The following SHANK2 variants were observed in gnomAD, a reference collection of about 807,000 sequenced individuals.
SHANK2 encodes the protein SH3 and multiple ankyrin repeat domains 2.
A neutral mutation model predicts 133.7 loss-of-function variants in SHANK2; 43 were observed. The ratio of observed to expected loss-of-function variants is 0.32; its 90% CI spans 0.25 to 0.41. SHANK2 has a LOEUF of 0.41. SHANK2 is among the 10% of genes least tolerant of loss of function. The pLI, the probability that SHANK2 is intolerant of heterozygous loss-of-function variation, is 1.00. For missense variants in SHANK2, 1,994 were observed against 2,235.8 expected, an observed-to-expected ratio of 0.89 and a Z score of 2.18; for synonymous variants, 1,017 against 952.8, an observed-to-expected ratio of 1.07 and a Z score of -1.24.
At chr11:70,865,755 G>C (rs1346263258) in intron 11 of SHANK2, among the ~76,000 whole-genome samples, 1 of 152,224 alleles carries the variant, frequency 6.6e-6, no homozygotes, top group African/African-American at 2.4e-5. Flanking sequence ...ATCAGATCCT[G>C]TCTCTCAAAA....
At chr11:70,515,825 T>A (rs1352602792) in intron 17 of SHANK2, among the ~76,000 whole-genome samples, 16 of 152,020 alleles carry the variant, frequency 1.1e-4, no homozygotes, top group African/African-American at 3.4e-4. Flanking sequence ...AAATTTTTTT[T>A]ATACCTGCTA....
chr11:71,142,174 T>G (rs1257662879), intron 3 of SHANK2, among the ~76,000 whole-genome samples: 1 of 152,166 alleles, frequency 6.6e-6, no homozygotes, highest in African/African-American at 2.4e-5. Flanking sequence ...AGAACGGGTC[T>G]AACTGAGAAC....
At chr11:70,694,008 C>G (rs1555021662) in intron 15 of SHANK2, among the ~76,000 whole-genome samples, 1 of 152,136 alleles carries the variant, frequency 6.6e-6, no homozygotes, top group East Asian at 1.9e-4. Context: ...TAAATGGAGT[C>G]CGTTCAGCCT....
At chr11:70,931,891 G>T (rs1013585633) in intron 10 of SHANK2, among the ~76,000 whole-genome samples, 2 of 152,146 alleles carry the variant, frequency 1.3e-5, no homozygotes, top group Non-Finnish European at 2.9e-5. Flanking sequence ...TATAAAGAAA[G>T]AAAAACATCA....
At chr11:70,828,635 T>G (rs1207052127) in intron 11 of SHANK2, among the ~76,000 whole-genome samples, 5 of 152,190 alleles carry the variant, frequency 3.3e-5, no homozygotes, top group Admixed American at 3.3e-4. Flanking sequence ...CCAGAAGCTT[T>G]CCAGATGGTG....
intron 2 of SHANK2, among the ~76,000 whole-genome samples, chr11:71,165,003 C>T (rs1435061534): frequency 2.0e-5 from 3 of 151,730 alleles, no homozygotes; most frequent in African/African-American, 7.3e-5. Flanking sequence ...CCCAGCTGTC[C>T]TTTGCAATCC....
intron 5 of SHANK2, among the ~76,000 whole-genome samples, chr11:71,111,673 C>T (rs1453876794): frequency 1.3e-5 from 2 of 152,204 alleles, no homozygotes; most frequent in African/African-American, 2.4e-5. Context: ...CCTCCTGGCA[C>T]GTGCTAGATT....
intron 10 of SHANK2, among the ~76,000 whole-genome samples, chr11:70,906,173 C>G (rs115480025): frequency 2.1e-4 from 32 of 152,348 alleles, no homozygotes; most frequent in African/African-American, 7.7e-4. Context: ...TTGCACCTGT[C>G]ACCCAGGCCA....
chr11:70,788,024 G>A (rs1947707247), intron 14 of SHANK2, among the ~76,000 whole-genome samples: 2 of 152,218 alleles, frequency 1.3e-5, no homozygotes, highest in Admixed American at 1.3e-4. Context: ...TTGGAACTGT[G>A]TGCTCTGAAA....
chr11:71,211,110 C>T (rs1555118818), intron 2 of SHANK2, among the ~76,000 whole-genome samples: 1 of 151,980 alleles, frequency 6.6e-6, no homozygotes, highest in Non-Finnish European at 1.5e-5. Flanking sequence ...CTGAGACACC[C>T]ACAGGCCCCG....
intron 10 of SHANK2, among the ~76,000 whole-genome samples, chr11:70,949,454 G>C (rs2135886584): frequency 6.6e-6 from 1 of 152,302 alleles, no homozygotes; most frequent in East Asian, 1.9e-4. Context: ...TCACTCTCAG[G>C]CTCCACCTGC....
chr11:70,792,355 C>T (rs1177845590), intron 14 of SHANK2, among the ~76,000 whole-genome samples: 1 of 149,556 alleles, frequency 6.7e-6, no homozygotes, highest in Admixed American at 6.7e-5. Context: ...AGCAAGCCAG[C>T]TAGCTAATTA....
At chr11:70,918,918 C>T (rs559483829) in intron 10 of SHANK2, among the ~76,000 whole-genome samples, 22 of 152,268 alleles carry the variant, frequency 1.4e-4, no homozygotes, top group Admixed American at 5.9e-4. Context: ...AATCCCAGCA[C>T]TTTGAGAGGC....
intron 17 of SHANK2, among the ~76,000 whole-genome samples, chr11:70,601,173 T>C (rs774402092): frequency 2.6e-5 from 4 of 152,000 alleles, no homozygotes; most frequent in Non-Finnish European, 2.9e-5. Context: ...TGCCTCAGCC[T>C]CCTGAGTAGC....
chr11:71,169,020 G>C (rs1343297510), intron 2 of SHANK2, among the ~76,000 whole-genome samples: 1 of 152,126 alleles, frequency 6.6e-6, no homozygotes. Flanking sequence ...AGTAATTGTG[G>C]GTTTTGCCAT....
chr11:70,720,712 T>C (rs945737696), intron 14 of SHANK2, among the ~76,000 whole-genome samples: 18 of 152,230 alleles, frequency 1.2e-4, no homozygotes, highest in Admixed American at 5.2e-4. Flanking sequence ...TCTTGCGGTA[T>C]ACATGTGCTG....
At chr11:70,585,725 G>T (rs541171071) in intron 17 of SHANK2, among the ~76,000 whole-genome samples, 5 of 149,954 alleles carry the variant, frequency 3.3e-5, no homozygotes, top group Non-Finnish European at 4.4e-5. Context: ...CCACTCATTC[G>T]TCCATCCAAC....
At chr11:70,893,299 G>T (rs1949880153) in intron 11 of SHANK2, among the ~76,000 whole-genome samples, 1 of 152,230 alleles carries the variant, frequency 6.6e-6, no homozygotes, top group Non-Finnish European at 1.5e-5. Flanking sequence ...AAACGCACAA[G>T]CTAGTGGGGA....
intron 14 of SHANK2, among the ~76,000 whole-genome samples, chr11:70,745,605 CAGAG>C (rs1183384297): frequency 1.3e-5 from 2 of 152,122 alleles, no homozygotes; most frequent in African/African-American, 2.4e-5. Flanking sequence ...GCCTGGAACT[CAGAG>C]AGCCCCAATC....
Sources: allele counts gnomAD v4.1 joint callset (sites outside exome capture counted in the v4.1 genomes callset), GRCh38; gene constraint gnomAD v4.1.1; transcripts MANE v1.5; gene names NCBI Gene and HGNC (gene_info 2026-07-23, HGNC 2026-07-21).